TCF25: variants seen among roughly 807,000 people sequenced by gnomAD.
The protein encoded by TCF25 is TCF25 ribosome quality control complex subunit, also known as ribosome quality control complex subunit TCF25.
Under a neutral mutation model 83.1 loss-of-function variants are expected in TCF25, and 41 were observed. That is an observed-to-expected ratio of 0.49 (90% CI 0.38 to 0.64). The LOEUF is 0.64. Among genes scored for constraint, TCF25 ranks in the 30% least tolerant of loss-of-function variants. The pLI is 0.00. For synonymous variants in TCF25, 458 were observed against 365.0 expected, an observed-to-expected ratio of 1.25 and a Z score of -2.90; for missense variants, 979 against 914.5, an observed-to-expected ratio of 1.07 and a Z score of -0.91.
At position 89,873,632 on chromosome 16, in the gene TCF25, T is replaced by TC; in HGVS notation, c.-35dup. The TC allele has an allele frequency of 6.7e-7, 1 of 1,487,766 alleles. No individual in the cohort carries two copies. The allele number at this position is 1,487,766 out of a possible 1,614,324, so 92.2% of individuals were successfully genotyped here. A position where few individuals can be genotyped will look rare whatever the true frequency, so the allele number is the denominator to read the frequency against. Reference sequence around the variant, plus strand: ...GACAGCCGAGTTTTCTGCGCTTCCTTCTCCCTCTCTCCAGACGTCGTGGTC... The same window carrying TC: ...GACAGCCGAGTTTTCTGCGCTTCCTTCCTCCCTCTCTCCAGACGTCGTGGTC... On this transcript the variant is annotated 5_prime_UTR_variant, in exon 1 of 18. Coordinates refer to ENST00000263346, the MANE Select transcript of TCF25 (RefSeq NM_014972.3).
At chr16:89,894,595 C>CT (rs2043701479) in intron 7 of TCF25, among the ~76,000 whole-genome samples, 1 of 152,204 alleles carries the variant, frequency 6.6e-6, no homozygotes, top group Non-Finnish European at 1.5e-5. Flanking sequence ...ATTGGTTCAG[C>CT]TTAGCAATAA....
intron 17 of TCF25, 113 bp from the exon 18 acceptor site, chr16:89,910,967 G>T (rs1396457586): frequency 1.8e-5 from 26 of 1,431,806 alleles, no homozygotes; most frequent in Non-Finnish European, 2.4e-5. Context: ...AGGGTTCAGG[G>T]TCCGGTGCTG....
At chr16:89,905,194 G>A (rs1597376163) in intron 14 of TCF25, 98 bp downstream of exon 14, 2 of 1,434,130 alleles carry the variant, frequency 1.4e-6, no homozygotes, top group East Asian at 5.0e-5. Context: ...GAAGGGCTGT[G>A]AGCAGCTTGG....
At position 89,904,684 on chromosome 16, in the gene TCF25, C is replaced by A. The variant is rs551308704; in HGVS notation, c.1470-254C>A. 6 of 626,452 alleles carry A rather than the reference C, an allele frequency of 9.6e-6. 1 individual carries two copies. Among genetic ancestry groups the A allele is most frequent in the Non-Finnish European group, 1.8e-5 (6 of 338,900 alleles). The allele number at this position is 626,452 out of a possible 1,614,324, so 38.8% of individuals were successfully genotyped here. ...CCCTGTGTGCACGCAGATGGACCCGCCCTGGGTGCATTTTCACATTTCTGT... is the reference window on the plus strand; with the variant it reads ...CCCTGTGTGCACGCAGATGGACCCGACCTGGGTGCATTTTCACATTTCTGT... On this transcript the variant is annotated intron_variant, in intron 13 of 17. Coordinates refer to ENST00000263346, the MANE Select transcript of TCF25 (RefSeq NM_014972.3).
At position 89,904,947 on chromosome 16, in the gene TCF25, T is replaced by C. The variant is rs1371250370; in HGVS notation, c.1479T>C (p.Pro493=). Residue 493 remains proline, a synonymous_variant, in exon 14 of 18, where the codon CCT becomes CCC. Transcript: ENST00000263346. ...FGPNAEISQP[P]ALSQLVNLYL... ...CCTTGCTCTCCCCCAGCCAGCCCCC[T>C]GCCCTGAGCCAGCTGGTGAACCTGT... 10 of 1,606,964 alleles carry C rather than the reference T, an allele frequency of 6.2e-6. No homozygotes were observed. Among genetic ancestry groups the C allele is most frequent in the Non-Finnish European group, 7.6e-6 (9 of 1,177,192 alleles).
chr16:89,886,702 C>T (rs769510673), intron 4 of TCF25, among the ~76,000 whole-genome samples: 189 of 151,886 alleles, frequency 1.2e-3, no homozygotes, highest in Non-Finnish European at 2.0e-3. Flanking sequence ...GCGGAGGTTG[C>T]GGTGAGCTGA....
At chr16:89,898,519 G>C in intron 9 of TCF25, 38 bp from the exon 10 acceptor site, 1 of 1,602,530 alleles carries the variant, frequency 6.2e-7, no homozygotes, top group Non-Finnish European at 8.5e-7. Context: ...ATTCTCCTTT[G>C]TGTCGTTGTA....
At chr16:89,890,862 T>G (rs2043373381) in intron 5 of TCF25, among the ~76,000 whole-genome samples, 1 of 152,128 alleles carries the variant, frequency 6.6e-6, no homozygotes, top group Admixed American at 6.6e-5. Flanking sequence ...ACTTTTTTGT[T>G]TATTTATTTC....
rs1350568347 is a variant in TCF25 at position 89,904,778 on chromosome 16, A to C, written c.1470-160A>C. On this transcript the variant is annotated intron_variant, in intron 13 of 17. Coordinates refer to ENST00000263346, the MANE Select transcript of TCF25 (RefSeq NM_014972.3). ...CTCACGGCACATACCTGTGTGCCCC[A>C]GCCCCACGCCCTCAGGCCAGCAGCC... is the stretch of plus-strand genomic sequence containing the variant. The C allele has an allele frequency of 1.1e-5, 9 of 836,876 alleles. No individual in the cohort carries two copies. The East Asian group carries it at 2.4e-4, about 22-fold the overall frequency. 51.8% of individuals were successfully genotyped at this position (836,876 alleles called of 1,614,324 possible).
chr16:89,900,548 T>C, intron 11 of TCF25, 87 bp from the exon 12 acceptor site: 1 of 1,446,600 alleles, frequency 6.9e-7, no homozygotes, highest in Non-Finnish European at 9.4e-7. Flanking sequence ...GGGGTAGGGC[T>C]CACTGGTGAT....
chr16:89,887,339 C>G (rs1214615914), intron 4 of TCF25, among the ~76,000 whole-genome samples: 1 of 152,128 alleles, frequency 6.6e-6, no homozygotes, highest in Non-Finnish European at 1.5e-5. Context: ...AGTTAAGACG[C>G]AGTAGTGTAG....
intron 5 of TCF25, 135 bp from the exon 6 acceptor site, chr16:89,892,058 C>T (rs1276426129): frequency 2.5e-5 from 18 of 730,246 alleles, no homozygotes; most frequent in Non-Finnish European, 3.4e-5. Context: ...GTCCTTAATG[C>T]GTCCCCACCC....
chr16:89,898,544 A>G lies in TCF25; in HGVS notation c.1023-13A>G, dbSNP rs72813432. On this transcript the variant is annotated splice_polypyrimidine_tract_variant and intron_variant, in intron 9 of 17. Transcript: ENST00000263346. ...GTGTCGTTGTAATTCATGTGGAACT[A>G]TTTTGGATCTAGGAGCTTCTACCTG... 282,803 of 1,584,928 alleles carry G rather than the reference A, an allele frequency of 0.18. 27,131 individuals carry two copies. The highest frequency in any genetic ancestry group is 0.3 in the Middle Eastern group (1,815 of 6,000).
At chr16:89,905,945 C>T (rs1466284261) in intron 14 of TCF25, among the ~76,000 whole-genome samples, 1 of 152,206 alleles carries the variant, frequency 6.6e-6, no homozygotes, top group Admixed American at 6.5e-5. Flanking sequence ...TCTCATCGTT[C>T]TTGTTCTTTG....
intron 14 of TCF25, 81 bp from the exon 15 acceptor site, chr16:89,906,113 G>A (rs1474406335): frequency 8.2e-7 from 1 of 1,221,718 alleles, no homozygotes; most frequent in Admixed American, 2.0e-5. Flanking sequence ...GCTGGGTGGG[G>A]GTGGGGGCCG....
chr16:89,894,919 A>T, intron 7 of TCF25, 119 bp from the exon 8 acceptor site: 1 of 755,936 alleles, frequency 1.3e-6, no homozygotes, highest in Non-Finnish European at 2.1e-6. Context: ...TGGTGGGATT[A>T]CAGGCGTGAG....
At chr16:89,883,564 A>ACC in intron 2 of TCF25, 52 bp downstream of exon 2, 1 of 1,534,680 alleles carries the variant, frequency 6.5e-7, no homozygotes, top group Non-Finnish European at 8.8e-7. Flanking sequence ...GTTCCAAGGC[A>ACC]CCCAGCCACG....
intron 13 of TCF25, 55 bp from the exon 14 acceptor site, chr16:89,904,883 G>T (rs760993766): frequency 1.3e-6 from 2 of 1,565,130 alleles, no homozygotes; most frequent in Non-Finnish European, 8.7e-7. Flanking sequence ...TGCCAGCCTC[G>T]AGGCAGGCTG....
At chr16:89,899,984 C>A (rs1172140401) in intron 11 of TCF25, among the ~76,000 whole-genome samples, 1 of 152,122 alleles carries the variant, frequency 6.6e-6, no homozygotes, top group Non-Finnish European at 1.5e-5. Context: ...AAGTCTCACC[C>A]CCAGGAATGT....
Sources: gnomAD v4.1 joint callset for allele counts (sites outside exome capture counted in the v4.1 genomes callset) on GRCh38, gnomAD v4.1.1 for gene constraint, MANE v1.5 for transcripts, NCBI Gene and HGNC (gene_info 2026-07-23, HGNC 2026-07-21) for gene names.